Variants in CCDC60 observed in about 807,000 individuals in gnomAD.
The protein encoded by CCDC60 is coiled-coil domain containing 60, also known as coiled-coil domain-containing protein 60.
A neutral mutation model predicts 63.5 loss-of-function variants in CCDC60; 54 were observed. That is an observed-to-expected ratio of 0.85 (90% CI 0.68 to 1.07). CCDC60 has a LOEUF of 1.07. CCDC60 is among the 50% of genes least tolerant of loss of function. The pLI is 0.00. For synonymous variants in CCDC60, 206 were observed against 238.8 expected (o/e 0.86, Z 1.27); for missense variants, 651 against 684.3 (o/e 0.95, Z 0.54).
chr12:119,335,239 C>T lies in CCDC60; in HGVS notation c.63C>T (p.Pro21=), dbSNP rs749193089. 6.2e-6 allele frequency: 10 copies of T among 1,604,466 alleles called. No individual in the cohort carries two copies. The highest frequency in any genetic ancestry group is 8.5e-6 in the Non-Finnish European group (10 of 1,176,084). ...CCCCCAACTCGGGGGCTGTCCGGCC[C>T]TTTTATGCCTCGGAGAACCTAAGGC... ...QSSPNSGAVR[P]FYASENLRQV... The change falls in exon 1 of 14, where the codon CCC becomes CCT. Residue 21 remains proline (P), a synonymous_variant. Coordinates refer to ENST00000327554, the MANE Select transcript of CCDC60 (RefSeq NM_178499.5).
At chr12:119,500,191 A>T in intron 6 of CCDC60, 23 bp downstream of exon 6, 1 of 1,490,056 alleles carries the variant, frequency 6.7e-7, no homozygotes, top group South Asian at 1.2e-5. Flanking sequence ...ACGCGACTCA[A>T]CCCTTTGGCT....
At position 119,523,762 on chromosome 12, in the gene CCDC60, C is replaced by T. The variant is rs752698660; in HGVS notation, c.1173C>T (p.Tyr391=). Residue 391 remains tyrosine, a synonymous_variant, in exon 11 of 14, where the codon TAC becomes TAT. Transcript: ENST00000327554. ...GTAACACCATGAGGGCCAAGTTTTA[C>T]AGCGTAGCCCAGGAGGCTGGCTTCT... ...GVCNTMRAKF[Y]SVAQEAGFCL... 7.4e-6 allele frequency: 12 copies of T among 1,614,102 alleles called. 1 individual carries two copies. The East Asian group carries it at 2.5e-4, about 33-fold the overall frequency.
chr12:119,430,790 C>G (rs1950215982), intron 2 of CCDC60, among the ~76,000 whole-genome samples: 1 of 152,146 alleles, frequency 6.6e-6, no homozygotes. Flanking sequence ...CAGCTTCCAG[C>G]CTCTAGAACT....
chr12:119,452,794 T>C (rs1262734755), intron 2 of CCDC60, among the ~76,000 whole-genome samples: 1 of 151,494 alleles, frequency 6.6e-6, no homozygotes, highest in African/African-American at 2.4e-5. Context: ...TTTGGTAGAG[T>C]TAGAGTTAGA....
At chr12:119,345,736 T>C (rs1402765810) in intron 1 of CCDC60, among the ~76,000 whole-genome samples, 1 of 152,128 alleles carries the variant, frequency 6.6e-6, no homozygotes, top group African/African-American at 2.4e-5. Context: ...GCATAGCCCT[T>C]ACCTGGAATT....
At chr12:119,390,258 T>G (rs1956132972) in intron 1 of CCDC60, among the ~76,000 whole-genome samples, 1 of 152,204 alleles carries the variant, frequency 6.6e-6, no homozygotes. Flanking sequence ...TCTGTTTAGA[T>G]ACTACTTCCC....
chr12:119,373,859 G>T (rs1955924359), intron 1 of CCDC60, among the ~76,000 whole-genome samples: 1 of 152,140 alleles, frequency 6.6e-6, no homozygotes, highest in African/African-American at 2.4e-5. Context: ...CGTTTCATTT[G>T]TTATCTAGAC....
intron 4 of CCDC60, among the ~76,000 whole-genome samples, chr12:119,481,418 G>C (rs753926195): frequency 2.7e-4 from 41 of 152,084 alleles, no homozygotes; most frequent in Non-Finnish European, 1.0e-4. Context: ...AGAGCAGGGA[G>C]GAAATGTTTC....
chr12:119,481,214 T>C (rs184421653), intron 4 of CCDC60, among the ~76,000 whole-genome samples: 2 of 152,316 alleles, frequency 1.3e-5, no homozygotes, highest in East Asian at 3.9e-4. Flanking sequence ...ATTATGATTA[T>C]AATATTCCAG....
chr12:119,373,665 G>C (rs1449568159), intron 1 of CCDC60, among the ~76,000 whole-genome samples: 3 of 88,762 alleles, frequency 3.4e-5, no homozygotes, highest in East Asian at 6.5e-4. Flanking sequence ...TCCGGGGTGG[G>C]GTGGGGGGGG....
intron 6 of CCDC60, among the ~76,000 whole-genome samples, chr12:119,502,151 G>C (rs1286065120): frequency 6.6e-6 from 1 of 152,136 alleles, no homozygotes; most frequent in Non-Finnish European, 1.5e-5. Context: ...TGGCAAACTG[G>C]AGCACTCCTG....
At chr12:119,378,222 G>A (rs1184237288) in intron 1 of CCDC60, among the ~76,000 whole-genome samples, 1 of 152,190 alleles carries the variant, frequency 6.6e-6, no homozygotes, top group Non-Finnish European at 1.5e-5. Flanking sequence ...TGTACACGTG[G>A]TTGACAAAGA....
At chr12:119,368,201 CAGG>C (rs1955862478) in intron 1 of CCDC60, among the ~76,000 whole-genome samples, 1 of 82,606 alleles carries the variant, frequency 1.2e-5, no homozygotes, top group African/African-American at 5.1e-5. Context: ...GGGGGAAGGG[CAGG>C]AGGAGGAGGG....
intron 2 of CCDC60, among the ~76,000 whole-genome samples, chr12:119,445,769 A>C (rs546265561): frequency 1.3e-5 from 2 of 152,342 alleles, no homozygotes; most frequent in East Asian, 3.9e-4. Flanking sequence ...AAAAGGAATG[A>C]ATTAATGGCA....
intron 1 of CCDC60, among the ~76,000 whole-genome samples, chr12:119,341,298 G>T (rs777590899): frequency 1.3e-4 from 19 of 145,368 alleles, no homozygotes; most frequent in Admixed American, 8.2e-4. Context: ...TGGACAAAAT[G>T]AAGCAGGCTA....
chr12:119,364,069 T>C (rs896686753), intron 1 of CCDC60, among the ~76,000 whole-genome samples: 3 of 152,220 alleles, frequency 2.0e-5, no homozygotes, highest in Non-Finnish European at 2.9e-5. Flanking sequence ...CAATAGGCTT[T>C]CACTAACTGC....
intron 1 of CCDC60, among the ~76,000 whole-genome samples, chr12:119,409,155 G>A (rs752726587): frequency 3.3e-5 from 5 of 152,262 alleles, no homozygotes; most frequent in Non-Finnish European, 7.4e-5. Context: ...CACAGACTCC[G>A]GTGTAGGGGA....
chr12:119,484,431 C>T (rs1593156346), intron 4 of CCDC60, among the ~76,000 whole-genome samples: 1 of 152,152 alleles, frequency 6.6e-6, no homozygotes, highest in South Asian at 2.1e-4. Context: ...GAATTGTGCT[C>T]AAGTACAGGT....
At chr12:119,516,796 T>TCAGTGC in intron 8 of CCDC60, 89 bp downstream of exon 8, 2 of 821,166 alleles carry the variant, frequency 2.4e-6, no homozygotes, top group Non-Finnish European at 4.0e-6. Context: ...GAGCATTTTC[T>TCAGTGC]CTGTGACAGG....
Sources: allele counts gnomAD v4.1 joint callset (sites outside exome capture counted in the v4.1 genomes callset), GRCh38; gene constraint gnomAD v4.1.1; transcripts MANE v1.5; gene names NCBI Gene and HGNC (gene_info 2026-07-23, HGNC 2026-07-21).